The following PSKH2 variants were observed in gnomAD, a reference collection of about 807,000 sequenced individuals.
PSKH2 encodes the protein protein serine kinase H2.
In PSKH2, 16 loss-of-function variants were observed where a neutral mutation model predicts 22.5. That is an observed-to-expected ratio of 0.71 (90% confidence interval 0.48 to 1.08). The LOEUF is 1.08. PSKH2 is among the 50% of genes least tolerant of loss of function. The pLI is 0.00. For missense variants in PSKH2, 516 were observed against 492.8 expected (o/e 1.05, Z -0.44); for synonymous variants, 188 against 184.8 (o/e 1.02, Z -0.14).
At chr8:86,049,167 TGG>T (rs1045380863) in intron 2 of PSKH2, among the ~76,000 whole-genome samples, 3 of 152,160 alleles carry the variant, frequency 2.0e-5, no homozygotes, top group African/African-American at 7.2e-5. Flanking sequence ...TGCAACACTG[TGG>T]TCATCTCACA....
intron 1 of PSKH2, among the ~76,000 whole-genome samples, chr8:86,065,498 A>T (rs1298511951): frequency 1.3e-5 from 2 of 152,202 alleles, no homozygotes; most frequent in African/African-American, 4.8e-5. Flanking sequence ...AATAATTTGT[A>T]AACCAATTAT....
chr8:86,060,592 G>C (rs78333357), intron 2 of PSKH2, among the ~76,000 whole-genome samples: 25,835 of 152,070 alleles, frequency 0.17, 2,472 homozygotes, highest in East Asian at 0.31. Context: ...CCCCCAGTGT[G>C]GCTATGTTTG....
intron 1 of PSKH2, chr8:86,066,541 A>G (rs1437785012): frequency 6.6e-6 from 1 of 152,182 alleles, no homozygotes. Context: ...AGGATGACAG[A>G]GAATGGAATG....
chr8:86,047,812 C>T lies in PSKH2; in HGVS notation c.*650G>A, dbSNP rs1055605729. 1.0e-4 allele frequency among the ~76,000 whole-genome samples: 15 copies of T among 150,598 alleles called. No individual in the cohort carries two copies. Among genetic ancestry groups the T allele is most frequent in the Admixed American group, 6.6e-4 (10 of 15,082 alleles). On this transcript the variant is annotated 3_prime_UTR_variant, in exon 3 of 3. Coordinates refer to ENST00000276616, the MANE Select transcript of PSKH2 (RefSeq NM_033126.3). ...CAAGATGTTTATATTTTTTTGTAAA[C>T]CCTGGTGGTTGATGAATGCTAACAT... is the stretch of plus-strand genomic sequence containing the variant.
At position 86,048,607 on chromosome 8, in the gene PSKH2, C is replaced by T. The variant is rs201080415; in HGVS notation, c.1013G>A (p.Arg338Gln). 37 of 1,614,010 alleles carry T rather than the reference C, an allele frequency of 2.3e-5. No individual in the cohort carries two copies. The highest frequency in any genetic ancestry group is 6.7e-5 in the African/African-American group (5 of 74,978). The change falls in exon 3 of 3, where the codon CGA (arginine) becomes CAA (glutamine). Residue 338 changes from arginine (R) to glutamine (Q), a missense_variant. By Grantham distance (43) the Arg-to-Gln change is conservative. Coordinates refer to ENST00000276616, the MANE Select transcript of PSKH2 (RefSeq NM_033126.3). ...SMKNLQRAIS[R>Q]NLMQRASPHS... ...GGGAGAGGCCCTCTGCATGAGGTTT[C>T]GGGATATGGCCCTCTGGAGATTCTT...
intron 1 of PSKH2, among the ~76,000 whole-genome samples, chr8:86,065,453 G>A (rs1488701129): frequency 2.6e-5 from 4 of 152,142 alleles, no homozygotes; most frequent in South Asian, 2.1e-4. Flanking sequence ...GGAATTTCTC[G>A]GCAGTAAAGA....
rs1817541491 is a variant in PSKH2 at position 86,047,318 on chromosome 8, A to AG, written c.*1143_*1144insC. ...TCTGTCATATATCATGTGATACAGC[A>AG]TTACAACATAAAAAGAAAATAGTTG... On this transcript the variant is annotated 3_prime_UTR_variant, in exon 3 of 3. Coordinates refer to ENST00000276616, the MANE Select transcript of PSKH2 (RefSeq NM_033126.3). Among the ~76,000 whole-genome samples, 1 of 152,172 alleles carries AG rather than the reference A, an allele frequency of 6.6e-6. No homozygotes were observed. The highest frequency in any genetic ancestry group is 2.4e-5 in the African/African-American group (1 of 41,448).
Position 86,047,802 on chromosome 8 carries a change from T to G in PSKH2, c.*660A>C, listed in dbSNP as rs1817547900. 6.6e-6 allele frequency among the ~76,000 whole-genome samples: 1 copy of G among 151,884 alleles called. No individual in the cohort carries two copies. Among genetic ancestry groups the G allele is most frequent in the Admixed American group, 6.6e-5 (1 of 15,240 alleles). On this transcript the variant is annotated 3_prime_UTR_variant, in exon 3 of 3. Transcript: ENST00000276616. ...TGATAAGAAGCAAGATGTTTATATT[T>G]TTTTGTAAACCCTGGTGGTTGATGA...
chr8:86,049,419 C>T (rs113348486), intron 2 of PSKH2, among the ~76,000 whole-genome samples: 197 of 151,996 alleles, frequency 1.3e-3, no homozygotes, highest in African/African-American at 3.9e-3. Context: ...ATTAGCCAGG[C>T]ACAGTGGCAC....
In PSKH2 at chr8:86,063,944, A is replaced by G. The variant is rs774035243; in HGVS notation, c.852+21T>C. 5.1e-6 allele frequency: 8 copies of G among 1,576,932 alleles called. No homozygotes were observed. The East Asian group carries it at 1.6e-4, about 31-fold the overall frequency. ...CCCCACTCTAAACCAACACAATAGA[A>G]ATAAAATAATGCTCTCTTACCTCTC... On this transcript the variant is annotated intron_variant, in intron 2 of 2. Coordinates refer to ENST00000276616, the MANE Select transcript of PSKH2 (RefSeq NM_033126.3).
chr8:86,064,046 G>T lies in PSKH2; in HGVS notation c.771C>A (p.Ser257Arg). 1 of 1,614,012 alleles carries T rather than the reference G, an allele frequency of 6.2e-7. No individual in the cohort carries two copies. Among genetic ancestry groups the T allele is most frequent in the Non-Finnish European group, 8.5e-7 (1 of 1,179,978 alleles). ...ALGVITYALL[S>R]GFLPFDDESQ... Reference sequence around the variant, plus strand: ...TTTCATCATCAAAAGGCAGGAATCCGCTAAGTAAAGCATATGTGATCACAC... The same window carrying T: ...TTTCATCATCAAAAGGCAGGAATCCTCTAAGTAAAGCATATGTGATCACAC... Residue 257 changes from serine to arginine, a missense_variant, in exon 2 of 3, where the codon AGC becomes AGA. By Grantham distance (110) the Ser-to-Arg change is moderately radical (BLOSUM62 -1). Coordinates refer to ENST00000276616, the MANE Select transcript of PSKH2 (RefSeq NM_033126.3).
rs1817550032 is a variant in PSKH2, at chr8:86,047,906, A to T, written c.*556T>A. Reference sequence around the variant, plus strand: ...TTCCCGTGAATAATGCCCCAATTAGACTAAAAGTTTCTGATAGATTGAAAT... The same window carrying T: ...TTCCCGTGAATAATGCCCCAATTAGTCTAAAAGTTTCTGATAGATTGAAAT... On this transcript the variant is annotated 3_prime_UTR_variant, in exon 3 of 3. Transcript: ENST00000276616. 6.6e-6 allele frequency among the ~76,000 whole-genome samples: 1 copy of T among 152,134 alleles called. No individual in the cohort carries two copies. Among genetic ancestry groups the T allele is most frequent in the Admixed American group, 6.5e-5 (1 of 15,286 alleles).
intron 2 of PSKH2, among the ~76,000 whole-genome samples, chr8:86,058,216 A>T (rs1386915544): frequency 6.6e-6 from 1 of 152,064 alleles, no homozygotes; most frequent in Non-Finnish European, 1.5e-5. Flanking sequence ...TCCCTTCTCC[A>T]CCATCTGCTG....
At chr8:86,049,675 G>GAAGA (rs1156489675) in intron 2 of PSKH2, among the ~76,000 whole-genome samples, 162 of 106,018 alleles carry the variant, frequency 1.5e-3, no homozygotes, top group Middle Eastern at 4.3e-3. Flanking sequence ...GAGTGAGAAA[G>GAAGA]AAGAAAGAAA....
intron 2 of PSKH2, among the ~76,000 whole-genome samples, chr8:86,056,104 C>A (rs2130151719): frequency 6.6e-6 from 1 of 151,904 alleles, no homozygotes. Flanking sequence ...GCCTGGGCAA[C>A]ATAACAAGAC....
At position 86,064,502 on chromosome 8, in the gene PSKH2, G is replaced by C. The variant is rs770035319; in HGVS notation, c.315C>G (p.Cys105Trp). ...ETREREGREACVSELSVLRRV... is the reference protein window; with the variant it reads ...ETREREGREAWVSELSVLRRV... ...GCCGCAGGACGCTCAGCTCAGACAC[G>C]CACGCTTCTCTACCTTCCCTCTCTC... The change falls in exon 2 of 3, where the codon TGC (cysteine) becomes TGG (tryptophan). Residue 105 changes from cysteine (C) to tryptophan (W), a missense_variant. Physicochemically the swap from Cys to Trp is radical, Grantham distance 215 (BLOSUM62 -2). Coordinates refer to ENST00000276616, the MANE Select transcript of PSKH2 (RefSeq NM_033126.3). 3 of 1,613,676 alleles carry C rather than the reference G, an allele frequency of 1.9e-6. No individual in the cohort carries two copies. In the African/African-American group the frequency reaches 4.0e-5, roughly 22 times the overall value.
chr8:86,057,215 T>C (rs1397085391), intron 2 of PSKH2, among the ~76,000 whole-genome samples: 1 of 151,658 alleles, frequency 6.6e-6, no homozygotes, highest in East Asian at 1.9e-4. Context: ...TAAGCCACCA[T>C]GCCTGGCCCA....
intron 2 of PSKH2, among the ~76,000 whole-genome samples, chr8:86,049,702 GA>G (rs199901613): frequency 2.6e-5 from 1 of 38,644 alleles, no homozygotes; most frequent in African/African-American, 1.1e-4. Flanking sequence ...AAGAAAGAAA[GA>G]AAGAAAGAAA....
chr8:86,059,800 G>T (rs1057177812), intron 2 of PSKH2, among the ~76,000 whole-genome samples: 1 of 152,164 alleles, frequency 6.6e-6, no homozygotes, highest in African/African-American at 2.4e-5. Context: ...CAGACTTGAC[G>T]ATATGGGAAA....
Sources: allele counts gnomAD v4.1 joint callset (sites outside exome capture counted in the v4.1 genomes callset), GRCh38; gene constraint gnomAD v4.1.1; transcripts MANE v1.5; gene names NCBI Gene and HGNC (gene_info 2026-07-23, HGNC 2026-07-21).